The following USP47 variants were observed in gnomAD, a reference collection of about 807,000 sequenced individuals.
The protein encoded by USP47 is ubiquitin carboxyl-terminal hydrolase 47.
USP47 carries 35 observed loss-of-function variants against 165.1 expected under a neutral mutation model. The ratio of observed to expected loss-of-function variants is 0.21; its 90% CI spans 0.16 to 0.28. USP47 has a LOEUF of 0.28. Among genes scored for constraint, USP47 ranks in the 10% least tolerant of loss-of-function variants. The probability of loss-of-function intolerance (pLI) is 1.00; values close to 1 mark genes in which losing one functional copy is unlikely to be tolerated. For synonymous variants in USP47, 531 were observed against 544.5 expected (o/e 0.98, Z 0.35); for missense variants, 1,277 against 1,607.4 (o/e 0.79, Z 3.52).
At chr11:11,852,420 G>T (rs542906785) in intron 1 of USP47, among the ~76,000 whole-genome samples, 46 of 152,166 alleles carry the variant, frequency 3.0e-4, no homozygotes, top group Non-Finnish European at 4.9e-4. Flanking sequence ...TTGCCAGGGG[G>T]TGCTTTTTCT....
intron 8 of USP47, among the ~76,000 whole-genome samples, chr11:11,917,785 C>A (rs1025887783): frequency 6.6e-6 from 1 of 152,070 alleles, no homozygotes; most frequent in Admixed American, 6.6e-5. Context: ...TAAATATTAC[C>A]TAACACACAC....
intron 1 of USP47, among the ~76,000 whole-genome samples, chr11:11,869,113 T>C (rs1333646240): frequency 6.6e-6 from 1 of 152,190 alleles, no homozygotes; most frequent in Non-Finnish European, 1.5e-5. Flanking sequence ...GCATTTTAAA[T>C]TTTGATGAAG....
At chr11:11,911,814 A>G (rs1214609031) in intron 8 of USP47, among the ~76,000 whole-genome samples, 1 of 152,134 alleles carries the variant, frequency 6.6e-6, no homozygotes, top group African/African-American at 2.4e-5. Context: ...ATCCTTTTCA[A>G]GTATCCATTA....
chr11:11,875,610 T>C (rs1012988127), intron 1 of USP47, among the ~76,000 whole-genome samples: 13 of 150,514 alleles, frequency 8.6e-5, no homozygotes, highest in Middle Eastern at 3.4e-3. Context: ...TTCTTTCTAC[T>C]TTTTTTTTTC....
At chr11:11,871,925 A>G (rs543082936) in intron 1 of USP47, among the ~76,000 whole-genome samples, 2 of 152,298 alleles carry the variant, frequency 1.3e-5, no homozygotes, top group African/African-American at 4.8e-5. Flanking sequence ...TGTTTCATAC[A>G]TTGGGAGATA....
At chr11:11,855,641 C>T (rs1288849579) in intron 1 of USP47, among the ~76,000 whole-genome samples, 2 of 152,204 alleles carry the variant, frequency 1.3e-5, no homozygotes, top group Non-Finnish European at 2.9e-5. Context: ...TCATGAACCT[C>T]ATTTACAACC....
intron 1 of USP47, among the ~76,000 whole-genome samples, chr11:11,854,134 CAA>C (rs539855427): frequency 2.4e-4 from 14 of 59,158 alleles, no homozygotes; most frequent in Admixed American, 2.1e-4. Flanking sequence ...GACTCCGTCT[CAA>C]AAAAAAAAAA....
At chr11:11,880,498 A>G (rs1177230073) in intron 2 of USP47, 118 bp downstream of exon 2, 32 of 723,574 alleles carry the variant, frequency 4.4e-5, no homozygotes, top group Non-Finnish European at 6.2e-5. Flanking sequence ...TAACAACTAC[A>G]GTAAGAGCCT....
intron 11 of USP47, among the ~76,000 whole-genome samples, chr11:11,928,453 A>G (rs1854416340): frequency 6.6e-6 from 1 of 152,084 alleles, no homozygotes; most frequent in Non-Finnish European, 1.5e-5. Flanking sequence ...AAGTTATTTT[A>G]AGATAAATTA....
At chr11:11,912,646 AAAAG>A (rs934164944) in intron 8 of USP47, among the ~76,000 whole-genome samples, 7 of 152,228 alleles carry the variant, frequency 4.6e-5, no homozygotes, top group South Asian at 2.1e-4. Context: ...TTTTCAAAAA[AAAAG>A]AAAGGAAGAG....
chr11:11,879,368 C>A (rs1233320024), intron 1 of USP47, among the ~76,000 whole-genome samples: 1 of 151,786 alleles, frequency 6.6e-6, no homozygotes, highest in African/African-American at 2.4e-5. Flanking sequence ...ATTGAGATGG[C>A]CATTATAGAA....
At chr11:11,896,505 GT>G (rs1483210066) in intron 4 of USP47, among the ~76,000 whole-genome samples, 1 of 152,226 alleles carries the variant, frequency 6.6e-6, no homozygotes, top group Non-Finnish European at 1.5e-5. Flanking sequence ...GAAAGGCTCT[GT>G]TTGTATGAAC....
intron 1 of USP47, among the ~76,000 whole-genome samples, chr11:11,872,759 C>T (rs1043380336): frequency 1.8e-4 from 28 of 152,078 alleles, no homozygotes; most frequent in Admixed American, 6.6e-4. Context: ...TCTAAAAATG[C>T]GTACATATAC....
intron 10 of USP47, among the ~76,000 whole-genome samples, chr11:11,921,907 A>G (rs961537427): frequency 1.8e-4 from 27 of 152,034 alleles, no homozygotes; most frequent in East Asian, 3.9e-4. Flanking sequence ...TTCTTGAGAG[A>G]TGAAGACTGT....
At chr11:11,856,552 A>G (rs1470779680) in intron 1 of USP47, 1 of 152,400 alleles carries the variant, frequency 6.6e-6, no homozygotes, top group Non-Finnish European at 1.5e-5. Flanking sequence ...TGGATAAAAC[A>G]AAGGTGGGTG....
chr11:11,871,925 A>T (rs543082936), intron 1 of USP47, among the ~76,000 whole-genome samples: 53 of 152,180 alleles, frequency 3.5e-4, no homozygotes, highest in Admixed American at 2.0e-4. Context: ...TGTTTCATAC[A>T]TTGGGAGATA....
At chr11:11,866,844 C>CT (rs1849713405) in intron 1 of USP47, among the ~76,000 whole-genome samples, 1 of 151,134 alleles carries the variant, frequency 6.6e-6, no homozygotes, top group Non-Finnish European at 1.5e-5. Flanking sequence ...CTAGTTGTTT[C>CT]TTTTAAGGTA....
intron 16 of USP47, among the ~76,000 whole-genome samples, chr11:11,935,703 C>T (rs375972637): frequency 6.6e-5 from 10 of 151,816 alleles, no homozygotes; most frequent in Non-Finnish European, 1.0e-4. Context: ...GTTGTTGCAA[C>T]CAGGGTATGT....
chr11:11,922,240 T>A (rs1022975344), intron 10 of USP47, among the ~76,000 whole-genome samples: 3 of 151,920 alleles, frequency 2.0e-5, no homozygotes, highest in African/African-American at 7.2e-5. Flanking sequence ...GACTATCAAG[T>A]TCTTAAGGAT....
Sources: gnomAD v4.1 joint callset for allele counts (sites outside exome capture counted in the v4.1 genomes callset) on GRCh38, gnomAD v4.1.1 for gene constraint, MANE v1.5 for transcripts, NCBI Gene and HGNC (gene_info 2026-07-23, HGNC 2026-07-21) for gene names.